Variants in WDR49 observed in about 807,000 individuals in gnomAD.
The protein encoded by WDR49 is WD repeat domain 49, also known as cilia- and flagella-associated protein 337.
A neutral mutation model predicts 119.5 loss-of-function variants in WDR49; 107 were observed. The observed-to-expected ratio is 0.90, with a 90% CI of 0.77 to 1.05. WDR49 has a LOEUF of 1.05. Ranked by LOEUF, WDR49 falls within the 50% of genes least tolerant of loss-of-function variation. The pLI, the probability that WDR49 is intolerant of heterozygous loss-of-function variation, is 0.00. For missense variants in WDR49, 1,240 were observed against 1,220.5 expected (o/e 1.02, Z -0.24); for synonymous variants, 425 against 418.8 (o/e 1.01, Z -0.18).
At chr3:167,496,423 C>T (rs1045150816) in intron 18 of WDR49, among the ~76,000 whole-genome samples, 2 of 151,894 alleles carry the variant, frequency 1.3e-5, no homozygotes, top group Non-Finnish European at 2.9e-5. Context: ...CACCTTAGAG[C>T]TGCTTATACC....
intron 7 of WDR49, among the ~76,000 whole-genome samples, chr3:167,594,176 A>T (rs933519636): frequency 1.3e-5 from 2 of 152,216 alleles, no homozygotes; most frequent in Non-Finnish European, 2.9e-5. Flanking sequence ...CAACATTGGA[A>T]CTGGGTAACG....
chr3:167,651,998 C>A (rs1247146845), intron 2 of WDR49, among the ~76,000 whole-genome samples: 1 of 152,160 alleles, frequency 6.6e-6, no homozygotes, highest in Non-Finnish European at 1.5e-5. Flanking sequence ...TCAAAGCTGT[C>A]ATAATCTGCT....
chr3:167,638,065 T>C (rs940398263), intron 2 of WDR49, among the ~76,000 whole-genome samples: 2 of 151,624 alleles, frequency 1.3e-5, no homozygotes, highest in Non-Finnish European at 3.0e-5. Flanking sequence ...TTTTAGGTTA[T>C]TGAAAGTAAT....
At chr3:167,527,781 C>G in intron 15 of WDR49, 39 bp downstream of exon 15, 1 of 1,578,010 alleles carries the variant, frequency 6.3e-7, no homozygotes, top group Non-Finnish European at 8.6e-7. Context: ...TACTAAATGT[C>G]AAGTAAATAC....
At chr3:167,624,991 C>G (rs1160611317) in intron 3 of WDR49, among the ~76,000 whole-genome samples, 1 of 152,042 alleles carries the variant, frequency 6.6e-6, no homozygotes, top group Non-Finnish European at 1.5e-5. Context: ...GCAAATTACA[C>G]AACTTCTCTT....
chr3:167,536,102 T>C (rs938851906), intron 11 of WDR49, among the ~76,000 whole-genome samples: 5 of 151,812 alleles, frequency 3.3e-5, no homozygotes, highest in Admixed American at 6.6e-5. Flanking sequence ...GGGTGAGAGA[T>C]TGGTCAATGG....
intron 8 of WDR49, chr3:167,575,347 G>A (rs888973630): frequency 1.0e-6 from 1 of 961,112 alleles, no homozygotes; most frequent in South Asian, 4.8e-5. Flanking sequence ...TGAGATGCAG[G>A]TAGTGGTCCC....
chr3:167,632,334 A>G (rs998293223), intron 2 of WDR49, among the ~76,000 whole-genome samples: 2 of 152,082 alleles, frequency 1.3e-5, no homozygotes, highest in Admixed American at 1.3e-4. Context: ...TTCTTTTCCA[A>G]AGTGATATAA....
At chr3:167,572,388 A>C (rs780210623) in intron 8 of WDR49, among the ~76,000 whole-genome samples, 15 of 152,252 alleles carry the variant, frequency 9.9e-5, no homozygotes, top group Non-Finnish European at 1.8e-4. Context: ...TTGGGTCCCC[A>C]CTGAAGTCCA....
At chr3:167,572,766 AGAG>A (rs1311414096) in intron 8 of WDR49, among the ~76,000 whole-genome samples, 4 of 152,204 alleles carry the variant, frequency 2.6e-5, no homozygotes, top group African/African-American at 7.2e-5. Flanking sequence ...ATGCTCAGGA[AGAG>A]GAGAAGTAAG....
chr3:167,505,299 CT>C lies in WDR49; in HGVS notation c.2884+7del. ...TATAAAAATACATTAACAACAGTGACTACTTACTGAATGATTTTTTTATAAC... is the reference window on the plus strand; with the variant it reads ...TATAAAAATACATTAACAACAGTGACACTTACTGAATGATTTTTTTATAAC... On this transcript the variant is annotated splice_region_variant and intron_variant, in intron 17 of 18. Coordinates refer to ENST00000682715, the MANE Select transcript of WDR49 (RefSeq NM_001366157.1). 6.7e-7 allele frequency: 1 copy of C among 1,489,928 alleles called. No individual in the cohort carries two copies. The highest frequency in any genetic ancestry group is 8.9e-7 in the Non-Finnish European group (1 of 1,126,966). 92.3% of individuals were successfully genotyped at this position (1,489,928 alleles called of 1,614,324 possible).
At chr3:167,546,545 A>AAT (rs1712213009) in intron 10 of WDR49, among the ~76,000 whole-genome samples, 1 of 151,870 alleles carries the variant, frequency 6.6e-6, no homozygotes, top group African/African-American at 2.4e-5. Flanking sequence ...GTTCCATTAC[A>AAT]CACTCCACAT....
At chr3:167,553,994 C>A (rs55880450) in intron 10 of WDR49, among the ~76,000 whole-genome samples, 2 of 151,744 alleles carry the variant, frequency 1.3e-5, no homozygotes, top group African/African-American at 4.8e-5. Flanking sequence ...TAACGTTGGA[C>A]GACTACCTAT....
chr3:167,508,043 C>A (rs944506089), intron 16 of WDR49, among the ~76,000 whole-genome samples: 10 of 152,276 alleles, frequency 6.6e-5, no homozygotes, highest in African/African-American at 2.4e-4. Flanking sequence ...ATGGGATCCA[C>A]CAGCTTTGGC....
At chr3:167,561,492 A>G (rs1174922356) in intron 8 of WDR49, among the ~76,000 whole-genome samples, 1 of 152,214 alleles carries the variant, frequency 6.6e-6, no homozygotes, top group African/African-American at 2.4e-5. Context: ...GAAGAAACAG[A>G]CAAGAAACAG....
intron 5 of WDR49, 102 bp downstream of exon 5, chr3:167,620,327 G>C: frequency 8.1e-7 from 1 of 1,237,964 alleles, no homozygotes; most frequent in South Asian, 1.9e-5. Flanking sequence ...CCAATTATTG[G>C]TTTCTAGACT....
chr3:167,594,115 T>A (rs981377794), intron 7 of WDR49, among the ~76,000 whole-genome samples: 12 of 152,132 alleles, frequency 7.9e-5, no homozygotes, highest in Non-Finnish European at 1.3e-4. Context: ...TACAGAAAAT[T>A]GGCACTGGGA....
At chr3:167,643,233 G>A (rs931800864) in intron 2 of WDR49, among the ~76,000 whole-genome samples, 3 of 152,010 alleles carry the variant, frequency 2.0e-5, no homozygotes, top group Admixed American at 6.6e-5. Flanking sequence ...GGGACCCAAC[G>A]TATAGCATCA....
intron 10 of WDR49, among the ~76,000 whole-genome samples, chr3:167,538,287 T>C (rs1053115310): frequency 6.6e-6 from 1 of 152,280 alleles, no homozygotes. Flanking sequence ...AAATTTGACA[T>C]CTTCCCTCCA....
Sources: allele counts gnomAD v4.1 joint callset (sites outside exome capture counted in the v4.1 genomes callset), GRCh38; gene constraint gnomAD v4.1.1; transcripts MANE v1.5; gene names NCBI Gene and HGNC (gene_info 2026-07-23, HGNC 2026-07-21).